Variants in UGT3A1 observed in about 807,000 individuals in gnomAD.
UGT3A1 encodes UDP glycosyltransferase family 3 member A1.
In UGT3A1, 40 loss-of-function variants were observed where a neutral mutation model predicts 37.6. That is an observed-to-expected ratio of 1.06 (90% confidence interval 0.83 to 1.38). UGT3A1 has a LOEUF of 1.38. UGT3A1 is among the 40% of genes most tolerant of loss of function. UGT3A1 has a pLI of 0.00. For synonymous variants in UGT3A1, 256 were observed against 232.3 expected (o/e 1.10, Z -0.93); for missense variants, 642 against 634.2 (o/e 1.01, Z -0.13).
intron 6 of UGT3A1, 190 bp downstream of exon 6, chr5:35,955,455 C>G (rs1739314857): frequency 1.5e-6 from 1 of 657,984 alleles, no homozygotes; most frequent in Non-Finnish European, 2.6e-6. Flanking sequence ...GAAAGTAATT[C>G]TCAGCATCTA....
At chr5:35,958,684 A>G (rs1739454576) in intron 4 of UGT3A1, among the ~76,000 whole-genome samples, 1 of 151,810 alleles carries the variant, frequency 6.6e-6, no homozygotes, top group Non-Finnish European at 1.5e-5. Flanking sequence ...CCCAATCAAG[A>G]AAAAGCCACT....
intron 3 of UGT3A1, among the ~76,000 whole-genome samples, chr5:35,967,271 G>T (rs1297676270): frequency 1.3e-5 from 2 of 152,214 alleles, no homozygotes; most frequent in African/African-American, 2.4e-5. Context: ...GAGTGAGGAA[G>T]CAAGCTTTAT....
At chr5:35,977,122 AGAAG>A (rs1342931640) in intron 2 of UGT3A1, among the ~76,000 whole-genome samples, 1 of 149,570 alleles carries the variant, frequency 6.7e-6, no homozygotes, top group South Asian at 2.1e-4. Flanking sequence ...GAGAAAGAAA[AGAAG>A]GAAGGAAGGA....
intron 3 of UGT3A1, among the ~76,000 whole-genome samples, chr5:35,966,268 T>C (rs1739805492): frequency 6.6e-6 from 1 of 152,194 alleles, no homozygotes; most frequent in African/African-American, 2.4e-5. Flanking sequence ...AACCTTCATT[T>C]ATATACTGAC....
At chr5:35,958,246 G>A (rs888106033) in intron 4 of UGT3A1, among the ~76,000 whole-genome samples, 1 of 152,036 alleles carries the variant, frequency 6.6e-6, no homozygotes, top group Non-Finnish European at 1.5e-5. Context: ...TAGCTACCTA[G>A]CCTATTTTTG....
At chr5:35,963,887 C>A (rs2149958569) in intron 4 of UGT3A1, among the ~76,000 whole-genome samples, 1 of 152,274 alleles carries the variant, frequency 6.6e-6, no homozygotes, top group South Asian at 2.1e-4. Context: ...GTGGGGATGG[C>A]ACCTCTAACA....
chr5:35,990,891 G>A, intron 1 of UGT3A1: 1 of 1,307,154 alleles, frequency 7.7e-7, no homozygotes, highest in Non-Finnish European at 9.9e-7. Flanking sequence ...CCAGTCCTGC[G>A]GGACGGGGAG....
intron 5 of UGT3A1, among the ~76,000 whole-genome samples, chr5:35,956,614 A>G (rs1739365825): frequency 6.6e-6 from 1 of 152,202 alleles, no homozygotes; most frequent in Non-Finnish European, 1.5e-5. Flanking sequence ...TCTGTTACCA[A>G]ATGACTCAAT....
chr5:35,980,731 C>T (rs1009994400), intron 2 of UGT3A1, among the ~76,000 whole-genome samples: 2 of 152,216 alleles, frequency 1.3e-5, no homozygotes, highest in Admixed American at 6.5e-5. Context: ...CTGTCATTAT[C>T]TATCCATGGG....
In UGT3A1 at chr5:35,990,981, C is replaced by T. The variant is rs997959846; in HGVS notation, c.94+166G>A. ...CTTCCTCACCTCAGCAATAGAGGCCCCTCTCTGCCCCACGGCTAGATGGGC... is the reference window on the plus strand; with the variant it reads ...CTTCCTCACCTCAGCAATAGAGGCCTCTCTCTGCCCCACGGCTAGATGGGC... On this transcript the variant is annotated intron_variant, in intron 1 of 6. Coordinates refer to ENST00000274278, the MANE Select transcript of UGT3A1 (RefSeq NM_152404.4). 10 of 1,544,082 alleles carry T rather than the reference C, an allele frequency of 6.5e-6. No homozygotes were observed. In the African/African-American group the frequency reaches 1.4e-4, roughly 21 times the overall value.
rs1739398373 is a variant in UGT3A1, at chr5:35,957,372, A to C, written c.891T>G (p.Leu297=). The change falls in exon 5 of 7, where the codon CTT becomes CTG. Residue 297 remains leucine (L), a synonymous_variant. Transcript: ENST00000274278. ...TGTTCAACATGGAGCCAAAGGCCAC[A>C]AGGACAAACCCTGCATCCCCAAAGT... ...IANFGDAGFV[L]VAFGSMLNTH... 6.2e-7 allele frequency: 1 copy of C among 1,614,096 alleles called. No individual in the cohort carries two copies. Among genetic ancestry groups the C allele is most frequent in the African/African-American group, 1.3e-5 (1 of 74,942 alleles).
In UGT3A1 at chr5:35,957,362, C is replaced by A. The variant is rs765971853; in HGVS notation, c.901G>T (p.Gly301Cys). 6 of 1,614,102 alleles carry A rather than the reference C, an allele frequency of 3.7e-6. No individual in the cohort carries two copies. In the South Asian group the frequency reaches 6.6e-5, roughly 18 times the overall value. Residue 301 changes from glycine to cysteine, a missense_variant, in exon 5 of 7, where the codon GGC becomes TGC. By Grantham distance (159) the Gly-to-Cys change is radical. Transcript: ENST00000274278. ...GACTGATGGGTGTTCAACATGGAGCCAAAGGCCACAAGGACAAACCCTGCA... is the reference window on the plus strand; with the variant it reads ...GACTGATGGGTGTTCAACATGGAGCAAAAGGCCACAAGGACAAACCCTGCA... Reference protein sequence around the residue: ...GDAGFVLVAFGSMLNTHQSQE... With the variant: ...GDAGFVLVAFCSMLNTHQSQE...
In UGT3A1 at chr5:35,991,385, C is replaced by T. The variant is rs1433465238; in HGVS notation, c.-145G>A. 3 of 1,473,190 alleles carry T rather than the reference C, an allele frequency of 2.0e-6. No individual in the cohort carries two copies. The highest frequency in any genetic ancestry group is 2.9e-5 in the South Asian group (2 of 70,120). 91.3% of individuals were successfully genotyped at this position (1,473,190 alleles called of 1,614,324 possible). ...AGACGGATCCTGCCAATTCTCTCGC[C>T]CTTCTGTTCGTTCTCTTTCCCGCTG... On this transcript the variant is annotated 5_prime_UTR_variant, in exon 1 of 7. Coordinates refer to ENST00000274278, the MANE Select transcript of UGT3A1 (RefSeq NM_152404.4).
intron 4 of UGT3A1, among the ~76,000 whole-genome samples, chr5:35,963,802 G>A (rs1257477428): frequency 6.6e-6 from 1 of 152,180 alleles, no homozygotes; most frequent in Non-Finnish European, 1.5e-5. Context: ...GACACAGCCA[G>A]GTACCGAGCT....
At chr5:35,955,144 A>T (rs567469629) in intron 6 of UGT3A1, 1 of 178,124 alleles carries the variant, frequency 5.6e-6, no homozygotes, top group South Asian at 1.5e-4. Flanking sequence ...GTATATTATG[A>T]TTAGGCTGAG....
intron 2 of UGT3A1, among the ~76,000 whole-genome samples, chr5:35,977,063 G>A (rs1399137641): frequency 5.8e-5 from 8 of 137,190 alleles, no homozygotes; most frequent in Admixed American, 1.5e-4. Flanking sequence ...AGAAGAGAAA[G>A]AGAAAGAAAG....
upstream of UGT3A1, among the ~76,000 whole-genome samples, chr5:35,994,632 C>T (rs527336793): frequency 2.0e-5 from 3 of 152,092 alleles, no homozygotes; most frequent in East Asian, 5.8e-4. Flanking sequence ...AGGAGCTGAC[C>T]CCTCCCACAC....
chr5:35,971,783 G>T (rs1244261392), intron 2 of UGT3A1, among the ~76,000 whole-genome samples: 3 of 152,118 alleles, frequency 2.0e-5, no homozygotes, highest in East Asian at 1.9e-4. Context: ...TTCTCGTCCT[G>T]CCCTTTTCTG....
chr5:35,993,845 G>A (rs1741026347), upstream of UGT3A1, among the ~76,000 whole-genome samples: 2 of 151,954 alleles, frequency 1.3e-5, no homozygotes, highest in Admixed American at 6.6e-5. Flanking sequence ...TTTCCTCCAG[G>A]GATCCCTGAT....
Sources: gnomAD v4.1 joint callset for allele counts (sites outside exome capture counted in the v4.1 genomes callset) on GRCh38, gnomAD v4.1.1 for gene constraint, MANE v1.5 for transcripts, NCBI Gene and HGNC (gene_info 2026-07-23, HGNC 2026-07-21) for gene names.